ANKFY1: variants seen among roughly 807,000 people sequenced by gnomAD.
The protein encoded by ANKFY1 is ankyrin repeat and FYVE domain containing 1, also known as ankyrin repeat and FYVE domain-containing protein 1.
Under a neutral mutation model 128.3 loss-of-function variants are expected in ANKFY1, and 47 were observed. The ratio of observed to expected loss-of-function variants is 0.37; its 90% confidence interval spans 0.29 to 0.47. The LOEUF (loss-of-function observed/expected upper bound fraction) is 0.47. Among genes scored for constraint, ANKFY1 ranks in the 20% least tolerant of loss-of-function variants. ANKFY1 has a pLI of 1.00. For missense variants in ANKFY1, 1,222 were observed against 1,510.6 expected, an observed-to-expected ratio of 0.81 and a Z score of 3.17; for synonymous variants, 553 against 601.6, an observed-to-expected ratio of 0.92 and a Z score of 1.18.
chr17:4,216,639 T>C, intron 4 of ANKFY1: 1 of 339,642 alleles, frequency 2.9e-6, no homozygotes, highest in Non-Finnish European at 5.8e-6. Flanking sequence ...CAACTTGATA[T>C]ATCAGAAAAT....
intron 12 of ANKFY1, 95 bp downstream of exon 12, chr17:4,184,723 A>T: frequency 7.3e-7 from 1 of 1,376,682 alleles, no homozygotes; most frequent in Non-Finnish European, 1.0e-6. Context: ...TAGCCATATG[A>T]AACTCACCAA....
intron 3 of ANKFY1, chr17:4,223,607 G>C (rs1348832436): frequency 7.4e-7 from 1 of 1,354,390 alleles, no homozygotes; most frequent in Non-Finnish European, 1.1e-6. Context: ...GATGCTGTGG[G>C]AACTCATGAC....
In ANKFY1 at chr17:4,174,072, A is replaced by T; in HGVS notation, c.2776-16T>A. On this transcript the variant is annotated splice_polypyrimidine_tract_variant and intron_variant, in intron 19 of 24. Coordinates refer to ENST00000341657, the MANE Select transcript of ANKFY1 (RefSeq NM_001330063.2). Reference sequence around the variant, plus strand: ...CCGCAAGAAGCTGTTGAAGTTCATTACATGAACAGTCAGTCTCTCTGCCAC... The same window carrying T: ...CCGCAAGAAGCTGTTGAAGTTCATTTCATGAACAGTCAGTCTCTCTGCCAC... The T allele has an allele frequency of 6.2e-7, 1 of 1,612,620 alleles. No homozygotes were observed. Among genetic ancestry groups the T allele is most frequent in the Non-Finnish European group, 8.5e-7 (1 of 1,179,100 alleles).
intron 3 of ANKFY1, among the ~76,000 whole-genome samples, chr17:4,221,705 A>G (rs777773530): frequency 6.6e-6 from 1 of 152,056 alleles, no homozygotes; most frequent in African/African-American, 2.4e-5. Context: ...TGCAACCTCC[A>G]TCTCCCAATT....
chr17:4,223,726 T>C (rs2060368757), intron 3 of ANKFY1: 1 of 1,587,260 alleles, frequency 6.3e-7, no homozygotes, highest in Non-Finnish European at 8.7e-7. Context: ...AACCATTTGC[T>C]GTGATGGCCT....
chr17:4,210,687 G>A (rs1237703473), intron 4 of ANKFY1, among the ~76,000 whole-genome samples: 2 of 52,552 alleles, frequency 3.8e-5, no homozygotes, highest in African/African-American at 1.3e-4. Context: ...CGGCCTGGGC[G>A]ACAAAGGCAA....
chr17:4,180,052 T>C, intron 16 of ANKFY1, 175 bp from the exon 17 acceptor site: 1 of 771,944 alleles, frequency 1.3e-6, no homozygotes, highest in South Asian at 1.8e-5. Context: ...CTCCCATAGA[T>C]TCTTCTGTGA....
intron 7 of ANKFY1, among the ~76,000 whole-genome samples, chr17:4,200,297 C>T (rs2059905088): frequency 6.6e-6 from 1 of 152,070 alleles, no homozygotes; most frequent in South Asian, 2.1e-4. Context: ...CTCCTGGGCT[C>T]AAGCAATCCG....
At chr17:4,250,671 A>AT (rs1967778187) in intron 1 of ANKFY1, among the ~76,000 whole-genome samples, 1 of 16,296 alleles carries the variant, frequency 6.1e-5, no homozygotes, top group Non-Finnish European at 1.7e-3. Context: ...GAATGATTCT[A>AT]ATTTTTTTTT....
In ANKFY1 at chr17:4,209,888, G is replaced by A. The variant is rs776106549; in HGVS notation, c.518C>T (p.Thr173Met). Reference sequence around the variant, plus strand: ...TGTGCTGGCATTCAGCTCCTCTGCCGTCTGGTAGAAGCGAATACAGTTCCT... The same window carrying A: ...TGTGCTGGCATTCAGCTCCTCTGCCATCTGGTAGAAGCGAATACAGTTCCT... ...NVRNCIRFYQ[T>M]AEELNASTLM... The change falls in exon 5 of 25, where the codon ACG (threonine) becomes ATG (methionine). Residue 173 changes from threonine to methionine, a missense_variant. Coordinates refer to ENST00000341657, the MANE Select transcript of ANKFY1 (RefSeq NM_001330063.2). The A allele has an allele frequency of 9.3e-6, 15 of 1,613,780 alleles. No homozygotes were observed. The highest frequency in any genetic ancestry group is 2.2e-5 in the East Asian group (1 of 44,894).
At chr17:4,263,627 A>G (rs1177569632) in intron 1 of ANKFY1, 1 of 1,534,852 alleles carries the variant, frequency 6.5e-7, no homozygotes, top group East Asian at 2.4e-5. Flanking sequence ...CCGGCAATCA[A>G]GAGCCTCCCG....
At chr17:4,262,100 T>C (rs1968450249) in intron 1 of ANKFY1, among the ~76,000 whole-genome samples, 1 of 152,222 alleles carries the variant, frequency 6.6e-6, no homozygotes, top group Non-Finnish European at 1.5e-5. Context: ...CCAAAGCGGA[T>C]GGATTGCTTG....
intron 20 of ANKFY1, 32 bp from the exon 21 acceptor site, chr17:4,173,476 C>T: frequency 1.2e-6 from 2 of 1,602,120 alleles, no homozygotes; most frequent in Non-Finnish European, 1.7e-6. Flanking sequence ...TATGCAAGCC[C>T]AGAAGCACAT....
chr17:4,241,931 T>C (rs1315965472), intron 2 of ANKFY1, among the ~76,000 whole-genome samples: 2 of 151,258 alleles, frequency 1.3e-5, no homozygotes, highest in Non-Finnish European at 2.9e-5. Context: ...CTACTAAAAA[T>C]ATAAAAAATT....
chr17:4,234,334 C>A (rs1450606933), intron 3 of ANKFY1, among the ~76,000 whole-genome samples: 2 of 152,036 alleles, frequency 1.3e-5, no homozygotes, highest in African/African-American at 4.8e-5. Context: ...GCTCTTTGCC[C>A]CTTTTTTTCC....
chr17:4,178,955 C>G lies in ANKFY1; in HGVS notation c.2500G>C (p.Asp834His). The change falls in exon 18 of 25, where the codon GAC (aspartate) becomes CAC (histidine). Residue 834 changes from aspartate to histidine, a missense_variant. Coordinates refer to ENST00000341657, the MANE Select transcript of ANKFY1 (RefSeq NM_001330063.2). This position sits in a 1 kb window ranked among gnomAD's most constrained non-coding sequence, Gnocchi z 4.1. ...SHPDIHLNVRDRQGLTPFACA... is the reference protein window; with the variant it reads ...SHPDIHLNVRHRQGLTPFACA... Reference sequence around the variant, plus strand: ...GCAAACGGGGTCAGCCCTTGTCTGTCTCGTACATTCAAATGGATATCGGGG... The same window carrying G: ...GCAAACGGGGTCAGCCCTTGTCTGTGTCGTACATTCAAATGGATATCGGGG... 6 of 1,614,156 alleles carry G rather than the reference C, an allele frequency of 3.7e-6. No individual in the cohort carries two copies. The highest frequency in any genetic ancestry group is 5.1e-6 in the Non-Finnish European group (6 of 1,180,040).
At position 4,169,787 on chromosome 17, in the gene ANKFY1, C is replaced by G. The variant is rs117552361; in HGVS notation, c.3287-499G>C. Among the ~76,000 whole-genome samples the G allele has an allele frequency of 3.9e-5, 6 of 152,274 alleles. No individual in the cohort carries two copies. In the East Asian group the frequency reaches 1.2e-3, roughly 29 times the overall value. The stretch of plus-strand genomic sequence containing the variant: ...GTCTGCAGTGGGACCATGGGCAGAG[C>G]AACCTATGAGAAAGAACTAAGTTTT... On this transcript the variant is annotated intron_variant, in intron 23 of 24. Coordinates refer to ENST00000341657, the MANE Select transcript of ANKFY1 (RefSeq NM_001330063.2). The surrounding 1 kb of genome is among the most constrained non-coding windows in gnomAD (Gnocchi z 5.0).
intron 4 of ANKFY1, among the ~76,000 whole-genome samples, chr17:4,210,678 G>C (rs1189255653): frequency 1.0e-5 from 1 of 96,764 alleles, no homozygotes; most frequent in Admixed American, 1.5e-4. Context: ...ATTGCACTCC[G>C]GCCTGGGCGA....
chr17:4,180,536 G>A (rs2059491850), intron 16 of ANKFY1: 1 of 152,230 alleles, frequency 6.6e-6, no homozygotes, highest in Non-Finnish European at 1.5e-5. Flanking sequence ...GGCTGAGGCG[G>A]GTGGATCATG....
Sources: allele counts gnomAD v4.1 joint callset (sites outside exome capture counted in the v4.1 genomes callset), GRCh38; gene constraint gnomAD v4.1.1; non-coding constraint Gnocchi (gnomAD v3.1); transcripts MANE v1.5; gene names NCBI Gene and HGNC (gene_info 2026-07-23, HGNC 2026-07-21).